SRSF4: variants seen among roughly 807,000 people sequenced by gnomAD.
The protein encoded by SRSF4 is serine/arginine-rich splicing factor 4.
Under a neutral mutation model 48.8 loss-of-function variants are expected in SRSF4, and 12 were observed. That is an observed-to-expected ratio of 0.25 (90% CI 0.16 to 0.40). The LOEUF (loss-of-function observed/expected upper bound fraction) is 0.40, where lower values mean the gene tolerates loss of function less well. SRSF4 is among the 10% of genes least tolerant of loss of function. SRSF4 has a pLI of 1.00. For synonymous variants in SRSF4, 248 were observed against 232.5 expected, an observed-to-expected ratio of 1.07 and a Z score of -0.61; for missense variants, 466 against 667.1, an observed-to-expected ratio of 0.70 and a Z score of 3.32.
intron 1 of SRSF4, among the ~76,000 whole-genome samples, chr1:29,175,304 T>C (rs1010483015): frequency 3.3e-5 from 5 of 152,028 alleles, no homozygotes; most frequent in African/African-American, 1.2e-4. Context: ...TCCCAGCTAC[T>C]TGGGAGGCTG....
chr1:29,149,869 A>G (rs1475662150), intron 5 of SRSF4, among the ~76,000 whole-genome samples: 1 of 151,806 alleles, frequency 6.6e-6, no homozygotes, highest in Non-Finnish European at 1.5e-5. Flanking sequence ...TCTCTAAAAA[A>G]AATTAAAAAA....
intron 4 of SRSF4, among the ~76,000 whole-genome samples, chr1:29,152,700 C>T (rs904933634): frequency 6.6e-6 from 1 of 152,024 alleles, no homozygotes; most frequent in Non-Finnish European, 1.5e-5. Flanking sequence ...GGGTGGGTCA[C>T]CTGAGGTCAG....
chr1:29,164,199 A>T (rs186738200), intron 1 of SRSF4, among the ~76,000 whole-genome samples: 1 of 152,348 alleles, frequency 6.6e-6, no homozygotes, highest in East Asian at 1.9e-4. Flanking sequence ...CTGCACTAGG[A>T]TGGTACCACC....
At chr1:29,169,790 T>C (rs925745782) in intron 1 of SRSF4, 1 of 152,188 alleles carries the variant, frequency 6.6e-6, no homozygotes, top group Non-Finnish European at 1.5e-5. Flanking sequence ...TATATTCACA[T>C]AGTAGGGTGA....
chr1:29,168,316 C>A (rs942436101), intron 1 of SRSF4, among the ~76,000 whole-genome samples: 9 of 152,006 alleles, frequency 5.9e-5, no homozygotes, highest in Admixed American at 3.3e-4. Context: ...CAGGCATGAG[C>A]CACCATGCCC....
chr1:29,150,090 A>C lies in SRSF4; in HGVS notation c.668+13T>G, dbSNP rs758060762. 5.1e-6 allele frequency: 8 copies of C among 1,557,686 alleles called. No individual in the cohort carries two copies. The East Asian group carries it at 1.9e-4, about 36-fold the overall frequency. On this transcript the variant is annotated intron_variant, in intron 5 of 5. Transcript: ENST00000373795. ...CCTGCTGACCACCTCTACTTATAACATGGAAGACATACCTGGACCGAGATC... is the reference window on the plus strand; with the variant it reads ...CCTGCTGACCACCTCTACTTATAACCTGGAAGACATACCTGGACCGAGATC...
At position 29,148,782 on chromosome 1, in the gene SRSF4, G is replaced by T; in HGVS notation, c.1113C>A (p.Arg371=). 6.2e-7 allele frequency: 1 copy of T among 1,613,328 alleles called. No homozygotes were observed. Among genetic ancestry groups the T allele is most frequent in the South Asian group, 1.1e-5 (1 of 91,056 alleles). Residue 371 remains arginine, a synonymous_variant, in exon 6 of 6, where the codon CGC becomes CGA. Coordinates refer to ENST00000373795, the MANE Select transcript of SRSF4 (RefSeq NM_005626.5). ...GCTTTCTGCTCCTCTCACTCTTGCT[G>T]CGGCTGCGACTGCGACTGCGGCTCT... The part of the protein sequence containing the change: ...REESRSRSRS[R]SKSERSRKRG...
chr1:29,181,534 C>G, intron 1 of SRSF4, 112 bp downstream of exon 1: 1 of 948,410 alleles, frequency 1.1e-6, no homozygotes, highest in Non-Finnish European at 1.5e-6. Flanking sequence ...GGAGCCTGGC[C>G]AGGCCGGTAG....
At position 29,159,938 on chromosome 1, in the gene SRSF4, G is replaced by C. The variant is rs761234016; in HGVS notation, c.250+437C>G. 87 of 173,524 alleles carry C rather than the reference G, an allele frequency of 5.0e-4. 1 individual carries two copies. The highest frequency in any genetic ancestry group is 8.1e-4 in the Non-Finnish European group (66 of 81,546). 10.7% of individuals were successfully genotyped at this position (173,524 alleles called of 1,614,324 possible). ...CCAGGTCTAATGGGGAAAGGTTGCG[G>C]TCGTCACATGGCTTCCTGTTTTTGG... On this transcript the variant is annotated intron_variant, in intron 2 of 5. Transcript: ENST00000373795.
At chr1:29,154,088 T>C (rs1437798681) in intron 4 of SRSF4, among the ~76,000 whole-genome samples, 1 of 151,530 alleles carries the variant, frequency 6.6e-6, no homozygotes, top group Non-Finnish European at 1.5e-5. Flanking sequence ...AGTTTCGCTC[T>C]TGTTGCCCAG....
At chr1:29,181,624 G>A (rs1672960239) in intron 1 of SRSF4, 22 bp downstream of exon 1, 1 of 1,567,712 alleles carries the variant, frequency 6.4e-7, no homozygotes, top group Non-Finnish European at 8.6e-7. Context: ...CGCCCGGCCG[G>A]ACCCTCTTTC....
chr1:29,180,164 C>G (rs1352147014), intron 1 of SRSF4, among the ~76,000 whole-genome samples: 3 of 152,188 alleles, frequency 2.0e-5, no homozygotes, highest in African/African-American at 7.2e-5. Context: ...GTGGTGGAAC[C>G]AGGATTTGAC....
At chr1:29,167,465 G>A (rs1434428369) in intron 1 of SRSF4, among the ~76,000 whole-genome samples, 3 of 152,134 alleles carry the variant, frequency 2.0e-5, no homozygotes, top group Non-Finnish European at 4.4e-5. Flanking sequence ...GCTCACTGCA[G>A]CCTCCACCTC....
At chr1:29,160,230 A>T in intron 2 of SRSF4, 145 bp downstream of exon 2, 1 of 956,126 alleles carries the variant, frequency 1.0e-6, no homozygotes, top group Non-Finnish European at 1.5e-6. Flanking sequence ...GCTTATTTGT[A>T]ATTCTACATT....
chr1:29,180,340 T>C (rs1027119427), intron 1 of SRSF4, among the ~76,000 whole-genome samples: 2 of 152,258 alleles, frequency 1.3e-5, no homozygotes, highest in African/African-American at 4.8e-5. Context: ...CTGAACGTTT[T>C]ACTGTAGAAA....
At chr1:29,157,839 G>C (rs1414887063) in intron 3 of SRSF4, among the ~76,000 whole-genome samples, 6 of 152,150 alleles carry the variant, frequency 3.9e-5, no homozygotes, top group African/African-American at 1.2e-4. Context: ...ATACTGCTCA[G>C]TAAGTTTTTC....
At chr1:29,164,393 T>C (rs748828965) in intron 1 of SRSF4, among the ~76,000 whole-genome samples, 3 of 152,266 alleles carry the variant, frequency 2.0e-5, no homozygotes, top group Non-Finnish European at 2.9e-5. Context: ...ACACTCCCTT[T>C]GTGCTTTGCA....
Position 29,149,173 on chromosome 1 carries a change from C to A in SRSF4, c.722G>T (p.Arg241Leu). The stretch of plus-strand genomic sequence containing the variant: ...GCTCCTGCTTTTCTCTTTCTTGCTC[C>A]GGCTCCGACTCTGGCTCCGGCTCCG... ...KSRSRSQSRS[R>L]SKKEKSRSPS... is the part of the protein sequence containing the mutation. The change falls in exon 6 of 6, where the codon CGG becomes CTG. Residue 241 changes from arginine to leucine, a missense_variant. Physicochemically the swap from Arg to Leu is moderately radical, Grantham distance 102. Coordinates refer to ENST00000373795, the MANE Select transcript of SRSF4 (RefSeq NM_005626.5). 1 of 1,606,636 alleles carries A rather than the reference C, an allele frequency of 6.2e-7. No homozygotes were observed.
chr1:29,152,345 A>G (rs1286671039), intron 4 of SRSF4, among the ~76,000 whole-genome samples: 1 of 152,210 alleles, frequency 6.6e-6, no homozygotes, highest in African/African-American at 2.4e-5. Context: ...AAGCTGGAGG[A>G]GTGGGAGGTG....
Sources: allele counts gnomAD v4.1 joint callset (sites outside exome capture counted in the v4.1 genomes callset), GRCh38; gene constraint gnomAD v4.1.1; transcripts MANE v1.5; gene names NCBI Gene and HGNC (gene_info 2026-07-23, HGNC 2026-07-21).